Variants in EBP observed in about 807,000 individuals in gnomAD.
EBP encodes the protein EBP cholestenol delta-isomerase, also known as 3-beta-hydroxysteroid-Delta(8),Delta(7)-isomerase.
A neutral mutation model predicts 14.1 loss-of-function variants in EBP; 1 was observed. The observed-to-expected ratio is 0.07, with a 90% CI of 0.03 to 0.34. The LOEUF (loss-of-function observed/expected upper bound fraction) is 0.34. Among genes scored for constraint, EBP ranks in the 10% least tolerant of loss-of-function variants. The probability of loss-of-function intolerance (pLI) is 0.99; values close to 1 mark genes in which losing one functional copy is unlikely to be tolerated. For missense variants in EBP, 123 were observed against 184.6 expected (o/e 0.67, Z 1.93); for synonymous variants, 72 against 77.7 (o/e 0.93, Z 0.38).
chrX:48,521,873 G>A lies in EBP; in HGVS notation c.-108G>A, dbSNP rs1556976599. 1 of 113,738 alleles carries A rather than the reference G, an allele frequency of 8.8e-6. No homozygotes were observed. The highest frequency in any genetic ancestry group is 1.9e-5 in the Non-Finnish European group (1 of 53,349). The allele number at this position is 113,738 out of a possible 1,213,427, so 9.4% of individuals were successfully genotyped here. ...AGACCCAGCCTAAAGAGAGCCCGGAGCCAGCGTGGGAGGCCGCTGCCGTCG... is the reference window on the plus strand; with the variant it reads ...AGACCCAGCCTAAAGAGAGCCCGGAACCAGCGTGGGAGGCCGCTGCCGTCG... On this transcript the variant is annotated 5_prime_UTR_variant, in exon 1 of 5. Transcript: ENST00000495186.
At chrX:48,523,405 T>A (rs1469022567) in intron 1 of EBP, among the ~76,000 whole-genome samples, 1 of 110,098 alleles carries the variant, frequency 9.1e-6, no homozygotes, top group Non-Finnish European at 1.9e-5. Context: ...ATACAAAAAA[T>A]TAGCTGGGCG....
chrX:48,523,576 T>G, intron 1 of EBP, 123 bp from the exon 2 acceptor site: 1 of 397,806 alleles, frequency 2.5e-6, no homozygotes, highest in Non-Finnish European at 4.3e-6. Context: ...AAAAACGGAA[T>G]GTAATTAGAA....
chrX:48,522,931 C>T (rs955054809), intron 1 of EBP, among the ~76,000 whole-genome samples: 1 of 111,266 alleles, frequency 9.0e-6, no homozygotes, highest in Admixed American at 9.5e-5. Context: ...TCTTGGCCTC[C>T]CAAAGTGCTG....
intron 1 of EBP, 144 bp from the exon 2 acceptor site, chrX:48,523,555 A>G: frequency 3.3e-6 from 1 of 301,469 alleles, no homozygotes; most frequent in Non-Finnish European, 5.6e-6. Flanking sequence ...CTCCGTCTGA[A>G]AAAAAAAAAA....
At chrX:48,526,126 G>A (rs2061778579) in intron 2 of EBP, among the ~76,000 whole-genome samples, 1 of 105,912 alleles carries the variant, frequency 9.4e-6, no homozygotes, top group African/African-American at 3.4e-5. Context: ...TTACAGGCAT[G>A]AGCCATTGTG....
In EBP at chrX:48,528,566, C is replaced by T. The variant is rs2061786018; in HGVS notation, c.*109C>T. On this transcript the variant is annotated 3_prime_UTR_variant, in exon 5 of 5. Coordinates refer to ENST00000495186, the MANE Select transcript of EBP (RefSeq NM_006579.3). ...AGGGACAAAGCTAATTGATCTGTCA[C>T]ACTCAGGCTCATGGGCAGGCACAAG... 1.4e-6 allele frequency: 1 copy of T among 729,772 alleles called. No homozygotes were observed. The allele number at this position is 729,772 out of a possible 1,213,427, so 60.1% of individuals were successfully genotyped here.
intron 2 of EBP, among the ~76,000 whole-genome samples, chrX:48,526,347 T>C (rs1556977452): frequency 9.5e-6 from 1 of 105,198 alleles, no homozygotes; most frequent in Non-Finnish European, 2.0e-5. Flanking sequence ...TCTTTCTTTT[T>C]TTTTTTTTTT....
intron 2 of EBP, chrX:48,524,562 G>T (rs908197717): frequency 5.5e-4 from 64 of 116,313 alleles, no homozygotes; most frequent in Non-Finnish European, 9.6e-4. Flanking sequence ...GGAGGCGGAG[G>T]TTGCAGTGAG....
In EBP at chrX:48,523,925, C is replaced by T. The variant is rs782775797; in HGVS notation, c.154C>T (p.Arg52Cys). The change falls in exon 2 of 5, where the codon CGT becomes TGT. Residue 52 changes from arginine to cysteine, a missense_variant. Coordinates refer to ENST00000495186, the MANE Select transcript of EBP (RefSeq NM_006579.3). The stretch of plus-strand genomic sequence containing the variant: ...CGTGACCACATGGCTGTTGTCAGGT[C>T]GTGCTGCGGTTGTCCCATTGGGGAC... ...LVVTTWLLSGRAAVVPLGTWR... is the reference protein window; with the variant it reads ...LVVTTWLLSGCAAVVPLGTWR... 1.8e-5 allele frequency: 22 copies of T among 1,209,275 alleles called. No individual in the cohort carries two copies. In the African/African-American group the frequency reaches 3.5e-4, roughly 19 times the overall value.
chrX:48,524,126 C>T (rs188182013), intron 2 of EBP, 54 bp downstream of exon 2: 2 of 1,092,146 alleles, frequency 1.8e-6, no homozygotes, highest in African/African-American at 1.8e-5. Flanking sequence ...GGGCAGGGAT[C>T]GGCTTGCATG....
chrX:48,526,757 A>G, intron 2 of EBP: 1 of 449,172 alleles, frequency 2.2e-6, no homozygotes, highest in East Asian at 3.8e-5. Context: ...TACCACACAC[A>G]CTTCTTGAGT....
chrX:48,527,435 A>G (rs782640638), intron 4 of EBP, 150 bp downstream of exon 4: 1 of 925,628 alleles, frequency 1.1e-6, no homozygotes, highest in South Asian at 2.2e-5. Context: ...GGCTCTGGAA[A>G]GGTCATGCCC....
At chrX:48,527,488 TTCC>T in intron 4 of EBP, 12 of 571,538 alleles carry the variant, frequency 2.1e-5, no homozygotes, top group South Asian at 6.0e-5. Flanking sequence ...TTCATTTTTC[TTCC>T]TCCTCCTCCT....
chrX:48,527,551 G>A, intron 4 of EBP: 1 of 405,743 alleles, frequency 2.5e-6, no homozygotes, highest in Non-Finnish European at 4.3e-6. Flanking sequence ...GCCCAGGGTG[G>A]CAAGAAGCCC....
chrX:48,527,364 G>A (rs2061782567), intron 4 of EBP, 79 bp downstream of exon 4: 5 of 1,194,454 alleles, frequency 4.2e-6, no homozygotes, highest in Non-Finnish European at 4.5e-6. Flanking sequence ...TATCCCTGTG[G>A]GTGGGATCTC....
rs370448486 is a variant in EBP, at chrX:48,523,371, G to A, written c.-73-328G>A. The stretch of plus-strand genomic sequence containing the variant: ...AGATCAAGACCATCCTGGCTAACAC[G>A]GTGAAACCCCGTCTCTACTAAAAAT... On this transcript the variant is annotated intron_variant, in intron 1 of 4. Transcript: ENST00000495186. Among the ~76,000 whole-genome samples the A allele has an allele frequency of 1.2e-4, 13 of 110,492 alleles. No homozygotes were observed. In the East Asian group the frequency reaches 3.8e-3, roughly 32 times the overall value.
In EBP at chrX:48,523,755, C is replaced by T; in HGVS notation, c.-17C>T. 8.5e-7 allele frequency: 1 copy of T among 1,181,231 alleles called. No individual in the cohort carries two copies. Among genetic ancestry groups the T allele is most frequent in the Non-Finnish European group, 1.1e-6 (1 of 878,448 alleles). The stretch of plus-strand genomic sequence containing the variant: ...AACTTCCTGCCTATACACACGCAGC[C>T]ATCAGCCCACAAAGACATGACTACC... On this transcript the variant is annotated 5_prime_UTR_variant, in exon 2 of 5. Coordinates refer to ENST00000495186, the MANE Select transcript of EBP (RefSeq NM_006579.3).
rs1556977091 is a variant in EBP, at chrX:48,523,963, G to C, written c.192G>C (p.Leu64=). 1.7e-6 allele frequency: 2 copies of C among 1,211,650 alleles called. No homozygotes were observed. Among genetic ancestry groups the C allele is most frequent in the East Asian group, 3.0e-5 (1 of 33,839 alleles). ...AVVPLGTWRR[L]SLCWFAVCGF... is the part of the protein sequence containing the mutation. Reference sequence around the variant, plus strand: ...TCCCATTGGGGACTTGGCGGCGACTGTCCCTGTGCTGGTTTGCAGTGTGTG... The same window carrying C: ...TCCCATTGGGGACTTGGCGGCGACTCTCCCTGTGCTGGTTTGCAGTGTGTG... Residue 64 remains leucine, a synonymous_variant, in exon 2 of 5, where the codon CTG becomes CTC. Coordinates refer to ENST00000495186, the MANE Select transcript of EBP (RefSeq NM_006579.3).
chrX:48,528,251 G>T lies in EBP; in HGVS notation c.487G>T (p.Val163Leu), dbSNP rs1354655797. The stretch of plus-strand genomic sequence containing the variant: ...ACCCACAGGCCAGATCTATGGGGAT[G>T]TGCTCTACTTCCTGACAGAGCACCG... ...VVSVGQIYGD[V>L]LYFLTEHRDG... Residue 163 changes from valine (V) to leucine (L), a missense_variant, in exon 5 of 5, where the codon GTG (valine) becomes TTG (leucine). Val to Leu is a conservative substitution (Grantham distance 32). Transcript: ENST00000495186. 1.4e-5 allele frequency: 17 copies of T among 1,209,472 alleles called. No individual in the cohort carries two copies. Among genetic ancestry groups the T allele is most frequent in the Non-Finnish European group, 1.9e-5 (17 of 894,931 alleles).
Sources: allele counts gnomAD v4.1 joint callset (sites outside exome capture counted in the v4.1 genomes callset), GRCh38; gene constraint gnomAD v4.1.1; transcripts MANE v1.5; gene names NCBI Gene and HGNC (gene_info 2026-07-23, HGNC 2026-07-21).